MPDZ: variants seen among roughly 807,000 people sequenced by gnomAD.
MPDZ encodes the protein multiple PDZ domain protein.
Under a neutral mutation model 239.1 loss-of-function variants are expected in MPDZ, and 234 were observed. That is an observed-to-expected ratio of 0.98 (90% CI 0.88 to 1.09). The LOEUF is 1.09. MPDZ is among the 50% of genes least tolerant of loss of function. The pLI, the probability that MPDZ is intolerant of heterozygous loss-of-function variation, is 0.00. For synonymous variants in MPDZ, 1,048 were observed against 881.3 expected, an observed-to-expected ratio of 1.19 and a Z score of -3.35; for missense variants, 3,175 against 2,510.0, an observed-to-expected ratio of 1.26 and a Z score of -5.66.
At position 13,126,779 on chromosome 9, in the gene MPDZ, A is replaced by G; in HGVS notation, c.4465-7T>C. 8 of 1,610,768 alleles carry G rather than the reference A, an allele frequency of 5.0e-6. No homozygotes were observed. The highest frequency in any genetic ancestry group is 6.8e-6 in the Non-Finnish European group (8 of 1,177,010). Reference sequence around the variant, plus strand: ...TACCCAAACCCCCCTGATCCTAGAAAAGTAAAAACAAAAATGCTCAGAAGA... The same window carrying G: ...TACCCAAACCCCCCTGATCCTAGAAGAGTAAAAACAAAAATGCTCAGAAGA... On this transcript the variant is annotated splice_polypyrimidine_tract_variant and splice_region_variant and intron_variant, in intron 32 of 46. Transcript: ENST00000319217.
chr9:13,160,867 T>TATATATAA (rs1563931184), intron 23 of MPDZ, among the ~76,000 whole-genome samples: 3 of 128,732 alleles, frequency 2.3e-5, no homozygotes, highest in South Asian at 5.0e-4. Context: ...TATATATATA[T>TATATATAA]ATAAAACAGG....
chr9:13,173,737 A>G (rs1952096061), intron 21 of MPDZ, among the ~76,000 whole-genome samples: 1 of 152,120 alleles, frequency 6.6e-6, no homozygotes, highest in African/African-American at 2.4e-5. Flanking sequence ...AGCAATCCAA[A>G]TAGCCAGATT....
In MPDZ at chr9:13,109,020, T is replaced by TA. The variant is rs781715624; in HGVS notation, c.5981_5982insT (p.Asp1995ArgfsTer23). On this transcript the variant is annotated frameshift_variant, in exon 46 of 47. Transcript: ENST00000319217. LOFTEE classifies it high-confidence loss of function. ...CAACTATACTGAAGCCTAAGCCATC[T>TA]GGTCCTCGCTCTAGTGTAATAGACT... 10 of 1,589,964 alleles carry TA rather than the reference T, an allele frequency of 6.3e-6. No homozygotes were observed. The highest frequency in any genetic ancestry group is 8.6e-6 in the Non-Finnish European group (10 of 1,166,432).
At chr9:13,200,012 T>A (rs760151920) in intron 12 of MPDZ, among the ~76,000 whole-genome samples, 18 of 152,186 alleles carry the variant, frequency 1.2e-4, no homozygotes, top group Non-Finnish European at 2.2e-4. Context: ...TTTTTTGGAA[T>A]AGTTTAGTAG....
At chr9:13,264,549 G>C (rs779001877) in intron 1 of MPDZ, among the ~76,000 whole-genome samples, 15 of 151,364 alleles carry the variant, frequency 9.9e-5, no homozygotes, top group Non-Finnish European at 1.8e-4. Context: ...TAACTCAACC[G>C]ACCCTCTGAA....
Position 13,109,050 on chromosome 9 carries a change from T to G in MPDZ, c.5952A>C (p.Gln1984His), listed in dbSNP as rs765428302. The G allele has an allele frequency of 2.1e-5, 32 of 1,509,656 alleles. No individual in the cohort carries two copies. In the African/African-American group the frequency reaches 3.2e-4, roughly 15 times the overall value. The allele number at this position is 1,509,656 out of a possible 1,614,324, so 93.5% of individuals were successfully genotyped here. A position where few individuals can be genotyped will look rare whatever the true frequency, so the allele number is the denominator to read the frequency against. Reference protein sequence around the residue: ...SIFQDDLGPPQCKSITLERGP... With the variant: ...SIFQDDLGPPHCKSITLERGP... ...CTCGCTCTAGTGTAATAGACTTACA[T>G]TGAGGAGGTCTACGGTGAAGGAAAG... is the stretch of plus-strand genomic sequence containing the variant. The change falls in exon 46 of 47, where the codon CAA (glutamine) becomes CAC (histidine). Residue 1984 changes from glutamine (Q) to histidine (H), a missense_variant. By Grantham distance (24) the Gln-to-His change is conservative. Transcript: ENST00000319217.
Position 13,107,114 on chromosome 9 carries a change from G to T in MPDZ, c.6067-3C>A. 6.4e-7 allele frequency: 1 copy of T among 1,558,998 alleles called. No individual in the cohort carries two copies. Among genetic ancestry groups the T allele is most frequent in the South Asian group, 1.2e-5 (1 of 84,830 alleles). On this transcript the variant is annotated splice_region_variant and splice_polypyrimidine_tract_variant and intron_variant, in intron 46 of 46. Transcript: ENST00000319217. ...CGTCCGTCTTCAGAGGCTGCTCCCT[G>T]CAAATTATAAAGTAGACTTGTTTAT...
chr9:13,140,104 T>G lies in MPDZ; in HGVS notation c.3886A>C (p.Ser1296Arg), dbSNP rs1022358823. Residue 1296 changes from serine to arginine, a missense_variant, in exon 28 of 47, where the codon AGT becomes CGT. Transcript: ENST00000319217. ...ESEPEKAPLC[S>R]VPPPPPSAFA... ...GCTGAAGGAGGGGGTGGGGGCACAC[T>G]GCACAATGGAGCCTTCTCTGGCTCT... The G allele has an allele frequency of 3.0e-5, 49 of 1,613,372 alleles. No individual in the cohort carries two copies. Among genetic ancestry groups the G allele is most frequent in the Non-Finnish European group, 4.0e-5 (47 of 1,179,778 alleles).
At chr9:13,178,778 T>C (rs967162485) in intron 19 of MPDZ, among the ~76,000 whole-genome samples, 5 of 152,214 alleles carry the variant, frequency 3.3e-5, no homozygotes, top group African/African-American at 1.2e-4. Context: ...AGTCTGTCAC[T>C]TGTCTTTTAG....
chr9:13,123,141 G>A lies in MPDZ; in HGVS notation c.4953+12C>T. The A allele has an allele frequency of 1.2e-6, 2 of 1,609,370 alleles. No homozygotes were observed. The highest frequency in any genetic ancestry group is 1.7e-6 in the Non-Finnish European group (2 of 1,177,826). On this transcript the variant is annotated intron_variant, in intron 36 of 46. Coordinates refer to ENST00000319217, the MANE Select transcript of MPDZ (RefSeq NM_001378778.1). ...GACGGCCTGTACAGAAGCACCTCTG[G>A]GTGGTGCTCACCAGCAGCGTGTCTG...
At chr9:13,240,722 G>A (rs534577238) in intron 3 of MPDZ, among the ~76,000 whole-genome samples, 1 of 150,810 alleles carries the variant, frequency 6.6e-6, no homozygotes, top group Non-Finnish European at 1.5e-5. Context: ...TGGATAAAAT[G>A]AGGACAAAAC....
At position 13,110,362 on chromosome 9, in the gene MPDZ, G is replaced by C. The variant is rs561007890; in HGVS notation, c.5829+274C>G. The stretch of plus-strand genomic sequence containing the variant: ...TCTTTAGAATATAAGCCACTTGCTA[G>C]CACCACTTAAAATTCCAGCAAATAA... On this transcript the variant is annotated intron_variant, in intron 44 of 46. Transcript: ENST00000319217. 3.5e-3 allele frequency among the ~76,000 whole-genome samples: 528 copies of C among 152,234 alleles called. 1 individual carries two copies. The highest frequency in any genetic ancestry group is 0.014 in the Middle Eastern group (4 of 294).
At chr9:13,254,559 T>C (rs1968946589) in intron 1 of MPDZ, among the ~76,000 whole-genome samples, 1 of 152,082 alleles carries the variant, frequency 6.6e-6, no homozygotes. Flanking sequence ...TATGTATTTA[T>C]AAAAATAAAA....
intron 15 of MPDZ, among the ~76,000 whole-genome samples, chr9:13,190,804 T>C (rs1423001281): frequency 6.6e-6 from 1 of 152,160 alleles, no homozygotes; most frequent in East Asian, 1.9e-4. Context: ...AACATAAGAT[T>C]TGAAATCAGA....
chr9:13,145,324 G>C (rs528816359), intron 26 of MPDZ, among the ~76,000 whole-genome samples: 18 of 152,098 alleles, frequency 1.2e-4, no homozygotes, highest in African/African-American at 4.1e-4. Context: ...TCTAAATGGG[G>C]CCCCCCTTTC....
chr9:13,192,305 A>T lies in MPDZ; in HGVS notation c.1804-10T>A, dbSNP rs1421800219. On this transcript the variant is annotated splice_polypyrimidine_tract_variant and intron_variant, in intron 14 of 46. Coordinates refer to ENST00000319217, the MANE Select transcript of MPDZ (RefSeq NM_001378778.1). ...AAGTTATGCCATTTACCTGTGAAAA[A>T]AGATACATTGTCCAACAAACAACAC... 6.3e-7 allele frequency: 1 copy of T among 1,586,482 alleles called. No homozygotes were observed. Among genetic ancestry groups the T allele is most frequent in the Non-Finnish European group, 8.6e-7 (1 of 1,164,474 alleles).
In MPDZ at chr9:13,126,554, C is replaced by T. The variant is rs1259523210; in HGVS notation, c.4594G>A (p.Val1532Ile). 1.3e-6 allele frequency: 2 copies of T among 1,584,018 alleles called. No individual in the cohort carries two copies. Among genetic ancestry groups the T allele is most frequent in the East Asian group, 4.6e-5 (2 of 43,874 alleles). The stretch of plus-strand genomic sequence containing the variant: ...TAACCAACAACAATTTCATCATCTA[C>T]AGCCAGTATCTGATCTCCGACTTTG... ...RLKVGDQILA[V>I]DDEIVVGYPI... Residue 1532 changes from valine to isoleucine, a missense_variant, in exon 34 of 47, where the codon GTA (valine) becomes ATA (isoleucine). Transcript: ENST00000319217.
chr9:13,109,158 T>A (rs868106796), intron 45 of MPDZ, 99 bp from the exon 46 acceptor site: 1 of 1,002,634 alleles, frequency 1.0e-6, no homozygotes, highest in African/African-American at 1.7e-5. Flanking sequence ...CTAGCATAAT[T>A]CTCTTTGTTA....
chr9:13,112,995 T>C lies in MPDZ; in HGVS notation c.5601+16A>G. 2 of 1,577,472 alleles carry C rather than the reference T, an allele frequency of 1.3e-6. No individual in the cohort carries two copies. Among genetic ancestry groups the C allele is most frequent in the Non-Finnish European group, 1.7e-6 (2 of 1,158,618 alleles). On this transcript the variant is annotated intron_variant, in intron 42 of 46. Transcript: ENST00000319217. The stretch of plus-strand genomic sequence containing the variant: ...TAAAACGCCAGGGTTTATATTGTTT[T>C]CTCTCCCCAAGTTACCTTTTTCATT...
Sources: allele counts gnomAD v4.1 joint callset (sites outside exome capture counted in the v4.1 genomes callset), GRCh38; gene constraint gnomAD v4.1.1; transcripts MANE v1.5; gene names NCBI Gene and HGNC (gene_info 2026-07-23, HGNC 2026-07-21).